CCDC144A: variants seen among roughly 807,000 people sequenced by gnomAD.
CCDC144A encodes the protein coiled-coil domain-containing protein 144A.
In CCDC144A, 41 loss-of-function variants were observed where a neutral mutation model predicts 143.8. The ratio of observed to expected loss-of-function variants is 0.29; its 90% CI spans 0.22 to 0.37. The LOEUF is 0.37. Among genes scored for constraint, CCDC144A ranks in the 10% least tolerant of loss-of-function variants. The probability of loss-of-function intolerance (pLI) is 1.00; values close to 1 mark genes in which losing one functional copy is unlikely to be tolerated. For missense variants in CCDC144A, 637 were observed against 1,488.8 expected, an observed-to-expected ratio of 0.43 and a Z score of 9.41; for synonymous variants, 242 against 517.9, an observed-to-expected ratio of 0.47 and a Z score of 7.23.
At chr17:16,682,887 T>TTTG in the CCDC144A span, among the ~76,000 whole-genome samples, 1 of 58,168 alleles carries the variant, frequency 1.7e-5, no homozygotes, top group African/African-American at 1.2e-4. Context: ...TTCTCTGTTT[T>TTTG]TTTTTTTTTT....
chr17:16,669,710 A>G, the CCDC144A span, among the ~76,000 whole-genome samples: 1 of 152,224 alleles, frequency 6.6e-6, no homozygotes, highest in African/African-American at 2.4e-5. Flanking sequence ...ATTGGACACC[A>G]TACCTCTAGG....
intron 4 of CCDC144A, chr17:16,708,558 C>T (rs1912187704): frequency 2.0e-6 from 1 of 500,656 alleles, no homozygotes; most frequent in Non-Finnish European, 3.6e-6. Context: ...ATATTTTTCT[C>T]CTCCTTTCAG....
At chr17:16,728,587 T>G (rs1420547041) in intron 9 of CCDC144A, among the ~76,000 whole-genome samples, 2 of 152,188 alleles carry the variant, frequency 1.3e-5, no homozygotes, top group African/African-American at 4.8e-5. Flanking sequence ...TTTGAAAAAT[T>G]TTTTTTAAAT....
chr17:16,707,794 TC>T (rs1440433063), intron 4 of CCDC144A, among the ~76,000 whole-genome samples: 3 of 152,306 alleles, frequency 2.0e-5, no homozygotes. Context: ...TGTTTGCTCT[TC>T]CATTCTTACA....
chr17:16,767,294 CAAA>C (rs765969718), intron 15 of CCDC144A: 5 of 95,376 alleles, frequency 5.2e-5, no homozygotes, highest in Admixed American at 1.1e-4. Flanking sequence ...GACTCCATCT[CAAA>C]AAAAAAAAAA....
intron 6 of CCDC144A, among the ~76,000 whole-genome samples, chr17:16,718,350 G>A (rs1467115436): frequency 5.3e-5 from 8 of 151,924 alleles, no homozygotes; most frequent in Non-Finnish European, 1.2e-4. Flanking sequence ...AGCTTTTAGA[G>A]TGTGTTTGTA....
Position 16,773,498 on chromosome 17 carries a change from T to C in CCDC144A, c.4143T>C (p.Ala1381=), listed in dbSNP as rs1251670832. ...TATAATTCTTGCTTTTTTTTTCAGC[T>C]GCTACTAAATATGAACCTGGATCCT... ...LQNDLTAEVA[A]ATKYEPGSYI... is the part of the protein sequence containing the mutation. Residue 1381 remains alanine, a splice_region_variant and synonymous_variant, in exon 17 of 17, where the codon GCT becomes GCC. Transcript: ENST00000399273. The C allele has an allele frequency of 6.5e-7, 1 of 1,540,212 alleles. No individual in the cohort carries two copies. The highest frequency in any genetic ancestry group is 2.0e-5 in the Admixed American group (1 of 49,770).
intron 12 of CCDC144A, among the ~76,000 whole-genome samples, chr17:16,747,350 A>T (rs1914582546): frequency 6.6e-6 from 1 of 152,216 alleles, no homozygotes; most frequent in Non-Finnish European, 1.5e-5. Context: ...GGGTAATGTG[A>T]TGCATCAGGC....
intron 4 of CCDC144A, among the ~76,000 whole-genome samples, chr17:16,707,810 C>T (rs1428451667): frequency 1.3e-5 from 2 of 152,102 alleles, no homozygotes; most frequent in Non-Finnish European, 2.9e-5. Context: ...CTTACAATAT[C>T]CTTATGGGAT....
At chr17:16,670,121 C>T in the CCDC144A span, among the ~76,000 whole-genome samples, 2 of 151,372 alleles carry the variant, frequency 1.3e-5, no homozygotes, top group Non-Finnish European at 2.9e-5. Context: ...GCAGAGGTTG[C>T]AGTGAGCTGA....
intron 2 of CCDC144A, among the ~76,000 whole-genome samples, chr17:16,703,342 C>A (rs1322884500): frequency 6.6e-6 from 1 of 151,706 alleles, no homozygotes; most frequent in East Asian, 1.9e-4. Flanking sequence ...CTTATTGACA[C>A]AGGAAGCTCT....
intron 15 of CCDC144A, among the ~76,000 whole-genome samples, chr17:16,770,559 A>G (rs1915787801): frequency 6.6e-6 from 1 of 151,856 alleles, no homozygotes; most frequent in Admixed American, 6.6e-5. Context: ...CCTTGTAACT[A>G]ATTGGTTTTG....
chr17:16,724,787 A>ATT (rs760344292), intron 8 of CCDC144A, among the ~76,000 whole-genome samples: 13 of 35,112 alleles, frequency 3.7e-4, no homozygotes, highest in Middle Eastern at 0.029. Flanking sequence ...GATTAACTGA[A>ATT]TTTTTTTTTT....
At chr17:16,675,695 G>A in the CCDC144A span, among the ~76,000 whole-genome samples, 2 of 148,682 alleles carry the variant, frequency 1.3e-5, 1 homozygote, top group Non-Finnish European at 3.0e-5. Flanking sequence ...AGCTCATGGA[G>A]ATAGATCAGT....
In CCDC144A at chr17:16,776,975, T is replaced by C. The variant is rs1463968091; in HGVS notation, c.*3342T>C. 7.3e-6 allele frequency: 1 copy of C among 137,274 alleles called. No individual in the cohort carries two copies. Among genetic ancestry groups the C allele is most frequent in the Non-Finnish European group, 1.5e-5 (1 of 64,570 alleles). 8.5% of individuals were successfully genotyped at this position (137,274 alleles called of 1,614,324 possible). ...GTCTTCAGGAGACTCACCTAACACA[T>C]ACGGACTCACATAAACTTAAGGCAA... On this transcript the variant is annotated 3_prime_UTR_variant, in exon 17 of 17. Coordinates refer to ENST00000399273, the MANE Select transcript of CCDC144A (RefSeq NM_001382000.1).
At chr17:16,769,294 A>C (rs1272165814) in intron 15 of CCDC144A, among the ~76,000 whole-genome samples, 1 of 152,224 alleles carries the variant, frequency 6.6e-6, no homozygotes, top group East Asian at 1.9e-4. Flanking sequence ...CTCAAGAGGA[A>C]GCTGTAGGTA....
intron 9 of CCDC144A, among the ~76,000 whole-genome samples, chr17:16,730,401 G>A (rs1206695238): frequency 1.8e-5 from 2 of 110,840 alleles, no homozygotes; most frequent in Non-Finnish European, 3.5e-5. Context: ...CTTGTCATAT[G>A]GTTTTAGATC....
chr17:16,720,569 C>T lies in CCDC144A; in HGVS notation c.1802C>T (p.Ser601Phe), dbSNP rs1324692177. 1 of 1,610,320 alleles carries T rather than the reference C, an allele frequency of 6.2e-7. No individual in the cohort carries two copies. Among genetic ancestry groups the T allele is most frequent in the Non-Finnish European group, 8.5e-7 (1 of 1,178,070 alleles). ...GACTTTGCTGACTCAATGGAGCCAT[C>T]TGAAATAGCCTCAGAGGATTGTGAA... ...EADFADSMEPSEIASEDCELS... is the reference protein window; with the variant it reads ...EADFADSMEPFEIASEDCELS... The change falls in exon 8 of 17, where the codon TCT (serine) becomes TTT (phenylalanine). Residue 601 changes from serine (S) to phenylalanine (F), a missense_variant. Ser to Phe is a radical substitution (Grantham distance 155). Transcript: ENST00000399273.
At chr17:16,677,310 A>G in the CCDC144A span, among the ~76,000 whole-genome samples, 8,563 of 152,178 alleles carry the variant, frequency 0.056, 413 homozygotes, top group East Asian at 0.17. Flanking sequence ...GTAGAATTTA[A>G]GCTTGGGCCC....
Sources: allele counts gnomAD v4.1 joint callset (sites outside exome capture counted in the v4.1 genomes callset), GRCh38; gene constraint gnomAD v4.1.1; transcripts MANE v1.5; gene names NCBI Gene and HGNC (gene_info 2026-07-23, HGNC 2026-07-21).